USP43: variants seen among roughly 807,000 people sequenced by gnomAD.
USP43 encodes ubiquitin specific peptidase 43.
USP43 carries 33 observed loss-of-function variants against 90.7 expected under a neutral mutation model. That is an observed-to-expected ratio of 0.36 (90% confidence interval 0.28 to 0.49). USP43 has a LOEUF of 0.49. Ranked by LOEUF, USP43 falls within the 20% of genes least tolerant of loss-of-function variation. The pLI is 0.98. For missense variants in USP43, 1,274 were observed against 1,476.4 expected (o/e 0.86, Z 2.25); for synonymous variants, 598 against 615.8 (o/e 0.97, Z 0.43).
At position 9,681,136 on chromosome 17, in the gene USP43, TAA is replaced by T. The variant is rs1299949394; in HGVS notation, c.1105+771_1105+772del. On this transcript the variant is annotated intron_variant, in intron 6 of 14. Transcript: ENST00000285199. ...TATATACTATATAATATATACTATA[TAA>T]TATATACTATATAATATATACTATA... Among the ~76,000 whole-genome samples, 748 of 109,824 alleles carry T rather than the reference TAA, an allele frequency of 6.8e-3. 44 individuals are homozygous for T. Among genetic ancestry groups the T allele is most frequent in the African/African-American group, 0.032 (708 of 22,310 alleles). 72.0% of individuals were successfully genotyped at this position (109,824 alleles called of 152,430 possible). A position where few individuals can be genotyped will look rare whatever the true frequency, so the allele number is the denominator to read the frequency against.
In USP43 at chr17:9,661,242, A is replaced by C. The variant is rs556203708; in HGVS notation, c.636+4708A>C. On this transcript the variant is annotated intron_variant, in intron 2 of 14. Transcript: ENST00000285199. ...TTTCCAGAAAATGCCGCTCTTGCAG[A>C]ATTAAGTAGGGGATGAGGCTGGGGA... Among the ~76,000 whole-genome samples the C allele has an allele frequency of 2.0e-5, 3 of 152,322 alleles. No homozygotes were observed. The South Asian group carries it at 6.2e-4, about 32-fold the overall frequency.
intron 14 of USP43, among the ~76,000 whole-genome samples, chr17:9,720,917 G>A (rs1916919430): frequency 6.6e-6 from 1 of 152,214 alleles, no homozygotes; most frequent in Admixed American, 6.5e-5. Context: ...CCACTGCAAA[G>A]TGCCAGCAGC....
intron 1 of USP43, among the ~76,000 whole-genome samples, chr17:9,650,842 T>A (rs1401495290): frequency 3.9e-5 from 6 of 152,206 alleles, no homozygotes; most frequent in Non-Finnish European, 8.8e-5. Flanking sequence ...TAGCATATTT[T>A]TAAAAATTTT....
rs1916091639 is a variant in USP43 at position 9,709,973 on chromosome 17, C to T, written c.2029C>T (p.Leu677=). The stretch of plus-strand genomic sequence containing the variant: ...CTTTGCAGCCTACTGCCGGAACTCT[C>T]TGGATGGCCAGTGGTACAGTTATGA... ...GHYTAYCRNS[L]DGQWYSYDDS... Residue 677 remains leucine, a synonymous_variant, in exon 13 of 15, where the codon CTG becomes TTG. Transcript: ENST00000285199. The surrounding 1 kb of genome is among the most constrained non-coding windows in gnomAD (Gnocchi z 5.0). 1 of 1,490,926 alleles carries T rather than the reference C, an allele frequency of 6.7e-7. No homozygotes were observed. 92.4% of individuals were successfully genotyped at this position (1,490,926 alleles called of 1,614,324 possible).
intron 7 of USP43, among the ~76,000 whole-genome samples, chr17:9,683,728 T>G (rs1914436202): frequency 2.0e-5 from 3 of 152,226 alleles, no homozygotes; most frequent in Admixed American, 2.0e-4. Flanking sequence ...ATATTTCATA[T>G]TACTACAGAG....
At chr17:9,722,749 C>G (rs1051195885) in intron 14 of USP43, among the ~76,000 whole-genome samples, 1 of 152,192 alleles carries the variant, frequency 6.6e-6, no homozygotes, top group Admixed American at 6.5e-5. Flanking sequence ...GTCATTCCCC[C>G]CAAAATGAGA....
At chr17:9,670,241 G>C (rs1367167503) in intron 3 of USP43, among the ~76,000 whole-genome samples, 4 of 151,816 alleles carry the variant, frequency 2.6e-5, no homozygotes, top group Non-Finnish European at 5.9e-5. Context: ...GTTTCATCAT[G>C]CTGGCCAGGC....
chr17:9,711,835 CA>C, intron 13 of USP43, 132 bp from the exon 14 acceptor site: 4 of 1,012,440 alleles, frequency 4.0e-6, no homozygotes, highest in Non-Finnish European at 4.0e-6. Context: ...CAGGTTTCTG[CA>C]GTTCTGTTCT....
intron 14 of USP43, among the ~76,000 whole-genome samples, chr17:9,724,437 T>C (rs1917145563): frequency 6.6e-6 from 1 of 152,048 alleles, no homozygotes; most frequent in East Asian, 1.9e-4. Context: ...CCCAGCACTT[T>C]GAGAGGTCGA....
intron 14 of USP43, among the ~76,000 whole-genome samples, chr17:9,725,845 C>A (rs1917242063): frequency 6.6e-6 from 1 of 152,142 alleles, no homozygotes; most frequent in African/African-American, 2.4e-5. Flanking sequence ...ACAGCTTTGT[C>A]CTACTAATAC....
chr17:9,674,823 G>A lies in USP43; in HGVS notation c.741-68G>A. The A allele has an allele frequency of 7.8e-7, 1 of 1,286,518 alleles. No homozygotes were observed. The highest frequency in any genetic ancestry group is 1.2e-5 in the South Asian group (1 of 82,946). 79.7% of individuals were successfully genotyped at this position (1,286,518 alleles called of 1,614,324 possible). On this transcript the variant is annotated intron_variant, in intron 3 of 14. Transcript: ENST00000285199. This position sits in a 1 kb window ranked among gnomAD's most constrained non-coding sequence, Gnocchi z 4.4. The stretch of plus-strand genomic sequence containing the variant: ...GGAGTGGAAATGCAAGGATAATTCT[G>A]TATTGAATTTTACCCCCAAATTGTT...
Position 9,645,567 on chromosome 17 carries a change from G to C in USP43, c.-66G>C, listed in dbSNP as rs1438033101. The C allele has an allele frequency of 8.6e-7, 1 of 1,163,070 alleles. No homozygotes were observed. The highest frequency in any genetic ancestry group is 4.6e-5 in the Admixed American group (1 of 21,516). The allele number at this position is 1,163,070 out of a possible 1,614,324, so 72.0% of individuals were successfully genotyped here. A position where few individuals can be genotyped will look rare whatever the true frequency, so the allele number is the denominator to read the frequency against. On this transcript the variant is annotated 5_prime_UTR_variant, in exon 1 of 15. Coordinates refer to ENST00000285199, the MANE Select transcript of USP43 (RefSeq NM_153210.5). This position sits in a 1 kb window ranked among gnomAD's most constrained non-coding sequence, Gnocchi z 6.8. Reference sequence around the variant, plus strand: ...CCAGGAGCCTTAGAGAAGCTGTAGGGCCTGCTGGCCGCTCGTCCGCCTCGC... The same window carrying C: ...CCAGGAGCCTTAGAGAAGCTGTAGGCCCTGCTGGCCGCTCGTCCGCCTCGC...
chr17:9,715,337 C>T (rs998276098), intron 14 of USP43, among the ~76,000 whole-genome samples: 1 of 152,094 alleles, frequency 6.6e-6, no homozygotes, highest in Admixed American at 6.5e-5. Context: ...CCTGTTGTCC[C>T]AGCTACTCAA....
chr17:9,728,945 T>C lies in USP43; in HGVS notation c.3327T>C (p.Thr1109=). 2.5e-6 allele frequency: 4 copies of C among 1,598,346 alleles called. No individual in the cohort carries two copies. The highest frequency in any genetic ancestry group is 3.4e-6 in the Non-Finnish European group (4 of 1,170,174). ...YGTFQRVKYH[T]LSLGRKKTLP... is the part of the protein sequence containing the mutation. ...CCTTTCAGAGAGTCAAATATCACACTCTTTCTTTAGGTCGAAAGAAAACCT... is the reference window on the plus strand; with the variant it reads ...CCTTTCAGAGAGTCAAATATCACACCCTTTCTTTAGGTCGAAAGAAAACCT... The change falls in exon 15 of 15, where the codon ACT becomes ACC. Residue 1109 remains threonine (T), a synonymous_variant. Coordinates refer to ENST00000285199, the MANE Select transcript of USP43 (RefSeq NM_153210.5). This position sits in a 1 kb window ranked among gnomAD's most constrained non-coding sequence, Gnocchi z 6.2.
chr17:9,682,227 C>T (rs1164474022), intron 6 of USP43, among the ~76,000 whole-genome samples: 1 of 152,160 alleles, frequency 6.6e-6, no homozygotes, highest in Non-Finnish European at 1.5e-5. Context: ...GAGTATTTTT[C>T]AGGTGACTTG....
At chr17:9,688,559 C>T (rs932246022) in intron 8 of USP43, among the ~76,000 whole-genome samples, 4 of 152,072 alleles carry the variant, frequency 2.6e-5, no homozygotes, top group East Asian at 1.9e-4. Flanking sequence ...CCATGTTGGC[C>T]AGGATGGTCT....
chr17:9,645,406 G>C (rs1911288977), upstream of USP43: 1 of 285,174 alleles, frequency 3.5e-6, no homozygotes, highest in African/African-American at 2.2e-5. The surrounding 1 kb of genome is among the most constrained non-coding windows in gnomAD (Gnocchi z 6.8). Context: ...GCGGCACCAG[G>C]CAGGGGTAGG....
rs962231761 is a variant in USP43 at position 9,709,133 on chromosome 17, C to T, written c.2012-823C>T. On this transcript the variant is annotated intron_variant, in intron 12 of 14. Transcript: ENST00000285199. The surrounding 1 kb of genome is among the most constrained non-coding windows in gnomAD (Gnocchi z 5.0). ...TGGGTTATGCTGTCATTTGCTGACA[C>T]GTAGAGGGCAAGGAAACGGATATTT... is the stretch of plus-strand genomic sequence containing the variant. Among the ~76,000 whole-genome samples, 2 of 152,078 alleles carry T rather than the reference C, an allele frequency of 1.3e-5. No homozygotes were observed. The highest frequency in any genetic ancestry group is 2.1e-4 in the South Asian group (1 of 4,828).
intron 14 of USP43, among the ~76,000 whole-genome samples, chr17:9,727,260 C>G (rs1917320824): frequency 6.6e-6 from 1 of 152,150 alleles, no homozygotes; most frequent in Admixed American, 6.5e-5. Flanking sequence ...CAAAAATACA[C>G]AACCTTGGTT....
Sources: gnomAD v4.1 joint callset for allele counts (sites outside exome capture counted in the v4.1 genomes callset) on GRCh38, gnomAD v4.1.1 for gene constraint, Gnocchi (gnomAD v3.1) non-coding constraint, MANE v1.5 for transcripts, NCBI Gene and HGNC (gene_info 2026-07-23, HGNC 2026-07-21) for gene names.